EFCAB5: variants seen among roughly 807,000 people sequenced by gnomAD.
EFCAB5 encodes EF-hand calcium-binding domain-containing protein 5.
In EFCAB5, 131 loss-of-function variants were observed where a neutral mutation model predicts 167.9. The ratio of observed to expected loss-of-function variants is 0.78; its 90% CI spans 0.68 to 0.90. The LOEUF (loss-of-function observed/expected upper bound fraction) is 0.90, where lower values mean the gene tolerates loss of function less well. Ranked by LOEUF, EFCAB5 falls within the 40% of genes least tolerant of loss-of-function variation. EFCAB5 has a pLI of 0.00. For missense variants in EFCAB5, 1,663 were observed against 1,745.2 expected, an observed-to-expected ratio of 0.95 and a Z score of 0.84; for synonymous variants, 574 against 602.8, an observed-to-expected ratio of 0.95 and a Z score of 0.70.
At chr17:29,933,003 C>A (rs377689550) in intron 1 of EFCAB5, among the ~76,000 whole-genome samples, 1 of 152,092 alleles carries the variant, frequency 6.6e-6, no homozygotes, top group Non-Finnish European at 1.5e-5. Flanking sequence ...GGTGCATGTT[C>A]ATTAATTTAT....
At chr17:30,002,113 CT>C (rs894101780) in intron 7 of EFCAB5, among the ~76,000 whole-genome samples, 4 of 152,234 alleles carry the variant, frequency 2.6e-5, no homozygotes, top group Admixed American at 1.3e-4. Flanking sequence ...TAATATCCTA[CT>C]TTTTTCACTT....
At chr17:30,028,879 A>G (rs2069402264) in intron 7 of EFCAB5, among the ~76,000 whole-genome samples, 2 of 152,228 alleles carry the variant, frequency 1.3e-5, no homozygotes, top group South Asian at 2.1e-4. Context: ...CCTCTTCTTT[A>G]AGAACACTAG....
intron 5 of EFCAB5, 118 bp from the exon 6 acceptor site, chr17:29,996,194 A>G: frequency 1.3e-6 from 1 of 757,794 alleles, no homozygotes; most frequent in East Asian, 2.7e-5. Flanking sequence ...TGGGTTGGAA[A>G]GATCACCCAA....
intron 2 of EFCAB5, among the ~76,000 whole-genome samples, chr17:29,942,517 A>C (rs901833628): frequency 2.0e-5 from 3 of 152,216 alleles, no homozygotes; most frequent in African/African-American, 7.2e-5. Flanking sequence ...GAACTGTTAT[A>C]AATTACAGAT....
intron 14 of EFCAB5, chr17:30,069,649 G>T: frequency 1.3e-6 from 2 of 1,587,238 alleles, no homozygotes; most frequent in Non-Finnish European, 8.6e-7. Context: ...GGCCACGGGG[G>T]CCCAGCACGA....
At chr17:29,944,814 G>A (rs190819255) in intron 3 of EFCAB5, among the ~76,000 whole-genome samples, 24 of 151,910 alleles carry the variant, frequency 1.6e-4, no homozygotes, top group African/African-American at 5.5e-4. Flanking sequence ...ATAGAGATGG[G>A]GTTTCCCAAT....
chr17:30,017,803 T>C (rs1266689902), intron 7 of EFCAB5, among the ~76,000 whole-genome samples: 1 of 152,164 alleles, frequency 6.6e-6, no homozygotes, highest in Non-Finnish European at 1.5e-5. Context: ...TTAGTTATTT[T>C]ATAATTTTTA....
At chr17:30,051,051 C>T (rs776405441) in intron 8 of EFCAB5, 67 bp from the exon 9 acceptor site, 25 of 1,366,350 alleles carry the variant, frequency 1.8e-5, no homozygotes, top group Admixed American at 5.4e-5. Flanking sequence ...CAATAAGCCA[C>T]GTTCCAACTG....
chr17:30,095,683 A>G (rs781382892), intron 22 of EFCAB5, among the ~76,000 whole-genome samples: 4 of 152,180 alleles, frequency 2.6e-5, no homozygotes, highest in Non-Finnish European at 5.9e-5. Flanking sequence ...TCCAGAAATA[A>G]CAAGTAGGAA....
chr17:29,940,851 C>A (rs147555624), upstream of EFCAB5, among the ~76,000 whole-genome samples: 1 of 151,840 alleles, frequency 6.6e-6, no homozygotes, highest in South Asian at 2.1e-4. Flanking sequence ...ACCAGCCTGG[C>A]CAACATGGTG....
chr17:29,998,158 A>G (rs1358714015), intron 6 of EFCAB5, among the ~76,000 whole-genome samples: 1 of 152,078 alleles, frequency 6.6e-6, no homozygotes, highest in Non-Finnish European at 1.5e-5. Flanking sequence ...CTTACTGATA[A>G]CCTTTTGTCC....
chr17:30,079,244 A>C (rs560374562), intron 15 of EFCAB5, among the ~76,000 whole-genome samples: 1 of 152,202 alleles, frequency 6.6e-6, no homozygotes, highest in Non-Finnish European at 1.5e-5. Context: ...AGACCACTCA[A>C]GAAGAAGAGG....
intron 22 of EFCAB5, among the ~76,000 whole-genome samples, chr17:30,098,214 C>T (rs201615441): frequency 3.7e-4 from 55 of 150,490 alleles, no homozygotes; most frequent in East Asian, 3.3e-3. Context: ...GGATTACAGA[C>T]GTGAGCCACC....
chr17:29,948,437 C>A (rs569500110), intron 3 of EFCAB5, among the ~76,000 whole-genome samples: 1 of 152,158 alleles, frequency 6.6e-6, no homozygotes, highest in African/African-American at 2.4e-5. Flanking sequence ...GTTGCTTATT[C>A]TGATATCAAA....
At chr17:30,057,003 A>G (rs2070287915) in intron 12 of EFCAB5, among the ~76,000 whole-genome samples, 1 of 152,246 alleles carries the variant, frequency 6.6e-6, no homozygotes, top group South Asian at 2.1e-4. Context: ...TGAATAAATC[A>G]AACGGAAGTC....
At chr17:30,020,293 T>C (rs1411756620) in intron 7 of EFCAB5, among the ~76,000 whole-genome samples, 1 of 152,126 alleles carries the variant, frequency 6.6e-6, no homozygotes, top group East Asian at 1.9e-4. Context: ...TTATAATTGT[T>C]ATTTCTATGA....
intron 4 of EFCAB5, among the ~76,000 whole-genome samples, chr17:29,991,124 C>T (rs1269105265): frequency 5.3e-5 from 8 of 152,164 alleles, no homozygotes; most frequent in South Asian, 2.1e-4. Context: ...CTGATGCTTC[C>T]GAGCTCCCCT....
At chr17:30,034,064 G>A (rs2069551564) in intron 7 of EFCAB5, among the ~76,000 whole-genome samples, 166 bp from the exon 8 acceptor site, 1 of 152,154 alleles carries the variant, frequency 6.6e-6, no homozygotes, top group Non-Finnish European at 1.5e-5. Context: ...CTGCATCACA[G>A]CTTTTACAGC....
intron 1 of EFCAB5, chr17:29,930,293 C>T (rs140755230): frequency 4.0e-4 from 191 of 475,682 alleles, no homozygotes; most frequent in African/African-American, 3.7e-3. Flanking sequence ...CGCGCCGCCG[C>T]CTGGTCGTAA....
Sources: gnomAD v4.1 joint callset for allele counts (sites outside exome capture counted in the v4.1 genomes callset) on GRCh38, gnomAD v4.1.1 for gene constraint, MANE v1.5 for transcripts, NCBI Gene and HGNC (gene_info 2026-07-23, HGNC 2026-07-21) for gene names.